The following TP53BP1 variants were observed in gnomAD, a reference collection of about 807,000 sequenced individuals.
TP53BP1 encodes the protein tumor protein p53 binding protein 1.
Under a neutral mutation model 200.8 loss-of-function variants are expected in TP53BP1, and 61 were observed. The observed-to-expected ratio is 0.30, with a 90% CI of 0.25 to 0.38. The LOEUF is 0.38. Ranked by LOEUF, TP53BP1 falls within the 10% of genes least tolerant of loss-of-function variation. TP53BP1 has a pLI of 1.00. For synonymous variants in TP53BP1, 822 were observed against 844.3 expected, an observed-to-expected ratio of 0.97 and a Z score of 0.46; for missense variants, 2,144 against 2,371.9, an observed-to-expected ratio of 0.90 and a Z score of 2.00.
chr15:43,483,599 G>A (rs2079005634), intron 4 of TP53BP1, among the ~76,000 whole-genome samples: 1 of 152,078 alleles, frequency 6.6e-6, no homozygotes, highest in South Asian at 2.1e-4. Context: ...CACAAAAGAG[G>A]TGAAAATATA....
At position 43,491,663 on chromosome 15, in the gene TP53BP1, G is replaced by A; in HGVS notation, c.371+6C>T. On this transcript the variant is annotated splice_donor_region_variant and intron_variant, in intron 4 of 27. Transcript: ENST00000382044. ...ATTTAAATAAACCCCTTCAAACACT[G>A]TATACCTGCTTGTCCTGTTTGGCTG... is the stretch of plus-strand genomic sequence containing the variant. 1 of 1,606,254 alleles carries A rather than the reference G, an allele frequency of 6.2e-7. No individual in the cohort carries two copies. Among genetic ancestry groups the A allele is most frequent in the Non-Finnish European group, 8.5e-7 (1 of 1,172,948 alleles).
chr15:43,477,846 TTAA>T, intron 7 of TP53BP1, 87 bp from the exon 8 acceptor site: 1 of 1,128,850 alleles, frequency 8.9e-7, no homozygotes, highest in Non-Finnish European at 1.2e-6. Context: ...GTGTTTTTCT[TTAA>T]TAATTTCAAA....
chr15:43,412,903 GGAT>G, intron 24 of TP53BP1: 1 of 603,162 alleles, frequency 1.7e-6, no homozygotes, highest in Non-Finnish European at 3.0e-6. Flanking sequence ...CTGCCTCACA[GGAT>G]TGTTTTCAGG....
intron 16 of TP53BP1, among the ~76,000 whole-genome samples, chr15:43,436,780 C>T (rs928936414): frequency 2.6e-5 from 4 of 152,008 alleles, no homozygotes; most frequent in Admixed American, 6.6e-5. Context: ...CGTGGCCAGC[C>T]GCTTCCTTAA....
intron 12 of TP53BP1, among the ~76,000 whole-genome samples, chr15:43,451,410 CATCT>C (rs1371019554): frequency 6.6e-6 from 1 of 151,772 alleles, no homozygotes; most frequent in Non-Finnish European, 1.5e-5. Context: ...GTTCTATTCC[CATCT>C]ATGAGTGAGA....
intron 1 of TP53BP1, among the ~76,000 whole-genome samples, chr15:43,501,425 G>A (rs2079208940): frequency 6.6e-6 from 1 of 151,812 alleles, no homozygotes; most frequent in Non-Finnish European, 1.5e-5. Flanking sequence ...TGTTGCTCAG[G>A]TGGGTCTTGA....
intron 10 of TP53BP1, among the ~76,000 whole-genome samples, chr15:43,474,302 T>C (rs34661349): frequency 0.18 from 26,865 of 152,130 alleles, 2,550 homozygotes; most frequent in Middle Eastern, 0.27. Context: ...GGCTCCAGCC[T>C]TGGCCAGCCC....
intron 10 of TP53BP1, among the ~76,000 whole-genome samples, chr15:43,471,575 C>A (rs1215611352): frequency 6.6e-6 from 1 of 151,918 alleles, no homozygotes; most frequent in Non-Finnish European, 1.5e-5. Context: ...TACAGGCACC[C>A]GCCACCACAC....
intron 12 of TP53BP1, among the ~76,000 whole-genome samples, chr15:43,453,351 C>G (rs923413150): frequency 3.9e-5 from 6 of 151,944 alleles, no homozygotes; most frequent in Non-Finnish European, 7.4e-5. Flanking sequence ...TCACATTGTT[C>G]TTCACTACAG....
Position 43,481,024 on chromosome 15 carries a change from T to C in TP53BP1, c.372-2A>G, listed in dbSNP as rs1356519230. 1 of 1,614,044 alleles carries C rather than the reference T, an allele frequency of 6.2e-7. No homozygotes were observed. Among genetic ancestry groups the C allele is most frequent in the Admixed American group, 1.7e-5 (1 of 60,014 alleles). On this transcript the variant is annotated splice_acceptor_variant, in intron 4 of 27. Transcript: ENST00000382044. LOFTEE classifies it high-confidence loss of function. ...GATTCCACTGACATTCCCAGAACAC[T>C]ACACAGCAGAAGGATATAATCATGT...
Position 43,483,784 on chromosome 15 carries a change from A to G in TP53BP1, c.372-2762T>C, listed in dbSNP as rs961677793. Among the ~76,000 whole-genome samples, 9 of 152,358 alleles carry G rather than the reference A, an allele frequency of 5.9e-5. No individual in the cohort carries two copies. In the East Asian group the frequency reaches 1.5e-3, roughly 26 times the overall value. On this transcript the variant is annotated intron_variant, in intron 4 of 27. Coordinates refer to ENST00000382044, the MANE Select transcript of TP53BP1 (RefSeq NM_001141980.3). ...TATTGCAAATGGTAGAAAAGAAGCAATGAAGGACGACAGCACAAAACAACA... is the reference window on the plus strand; with the variant it reads ...TATTGCAAATGGTAGAAAAGAAGCAGTGAAGGACGACAGCACAAAACAACA...
chr15:43,453,957 C>T (rs1235860787), intron 12 of TP53BP1, among the ~76,000 whole-genome samples: 1 of 151,982 alleles, frequency 6.6e-6, no homozygotes, highest in African/African-American at 2.4e-5. Context: ...CCTGTAATCC[C>T]AGCACTTTGG....
chr15:43,463,923 C>T (rs1226287061), intron 11 of TP53BP1, among the ~76,000 whole-genome samples: 1 of 152,172 alleles, frequency 6.6e-6, no homozygotes, highest in Non-Finnish European at 1.5e-5. Context: ...CCTTCCCACC[C>T]AAAGCCCGCT....
At chr15:43,427,836 A>G (rs2045579470) in intron 18 of TP53BP1, among the ~76,000 whole-genome samples, 180 bp downstream of exon 18, 2 of 152,076 alleles carry the variant, frequency 1.3e-5, no homozygotes, top group Admixed American at 1.3e-4. Flanking sequence ...TCATGCCTGT[A>G]GAACCAACTG....
chr15:43,486,183 C>G (rs1163631302), intron 4 of TP53BP1, among the ~76,000 whole-genome samples: 1 of 151,990 alleles, frequency 6.6e-6, no homozygotes, highest in African/African-American at 2.4e-5. Context: ...TCAAGACCAG[C>G]CTGACGAACA....
At chr15:43,444,069 A>G (rs12901437) in intron 14 of TP53BP1, among the ~76,000 whole-genome samples, 1 of 152,230 alleles carries the variant, frequency 6.6e-6, no homozygotes, top group African/African-American at 2.4e-5. Flanking sequence ...AGATAAAAAC[A>G]CAACAAACCT....
chr15:43,446,840 C>A, intron 13 of TP53BP1: 1 of 1,429,028 alleles, frequency 7.0e-7, no homozygotes, highest in East Asian at 3.2e-5. Context: ...AGCCCTCAGC[C>A]AACCCACATC....
chr15:43,504,484 T>C (rs1481510233), intron 1 of TP53BP1, among the ~76,000 whole-genome samples: 1 of 152,158 alleles, frequency 6.6e-6, no homozygotes, highest in Non-Finnish European at 1.5e-5. Context: ...AAAGTTCACA[T>C]AGTTGGTAAG....
intron 26 of TP53BP1, 68 bp from the exon 27 acceptor site, chr15:43,408,156 G>T: frequency 6.7e-7 from 1 of 1,496,864 alleles, no homozygotes; most frequent in East Asian, 2.3e-5. Context: ...TTCTGCAAAG[G>T]GACTCATGTA....
Sources: allele counts gnomAD v4.1 joint callset (sites outside exome capture counted in the v4.1 genomes callset), GRCh38; gene constraint gnomAD v4.1.1; transcripts MANE v1.5; gene names NCBI Gene and HGNC (gene_info 2026-07-23, HGNC 2026-07-21).